Variants in SLC35F4 observed in about 807,000 individuals in gnomAD.
The protein encoded by SLC35F4 is chromosome 14 open reading frame 36.
A neutral mutation model predicts 44.2 loss-of-function variants in SLC35F4; 24 were observed. The observed-to-expected ratio is 0.54, with a 90% CI of 0.39 to 0.76. The LOEUF is 0.76. SLC35F4 is among the 30% of genes least tolerant of loss of function. SLC35F4 has a pLI of 0.00. For synonymous variants in SLC35F4, 238 were observed against 223.6 expected (o/e 1.06, Z -0.57); for missense variants, 562 against 586.1 (o/e 0.96, Z 0.42).
intron 1 of SLC35F4, among the ~76,000 whole-genome samples, chr14:57,977,513 AAT>A (rs1247346007): frequency 1.6e-4 from 25 of 152,318 alleles, no homozygotes; most frequent in African/African-American, 5.3e-4. Flanking sequence ...GATTGACTAC[AAT>A]CCATCAAATC....
chr14:57,936,484 C>G (rs1889799146), intron 1 of SLC35F4, among the ~76,000 whole-genome samples: 2 of 152,200 alleles, frequency 1.3e-5, no homozygotes, highest in African/African-American at 4.8e-5. Flanking sequence ...ACCAGTGGTT[C>G]TCAACCAGAT....
At chr14:57,585,271 C>T (rs567721987) in intron 3 of SLC35F4, among the ~76,000 whole-genome samples, 1 of 152,172 alleles carries the variant, frequency 6.6e-6, no homozygotes, top group South Asian at 2.1e-4. Flanking sequence ...GCAGAAAAGG[C>T]CTTCGACAAA....
intron 1 of SLC35F4, among the ~76,000 whole-genome samples, chr14:57,617,006 G>C (rs193106896): frequency 6.6e-6 from 1 of 152,036 alleles, no homozygotes; most frequent in African/African-American, 2.4e-5. Flanking sequence ...TGCAAAAACA[G>C]CGTGAATGTT....
At chr14:57,608,608 C>T (rs922811296) in intron 1 of SLC35F4, among the ~76,000 whole-genome samples, 1 of 152,040 alleles carries the variant, frequency 6.6e-6, no homozygotes, top group Non-Finnish European at 1.5e-5. Context: ...TTGTTTCAGC[C>T]ACCATGTTTG....
chr14:57,782,297 T>G (rs775516989), intron 1 of SLC35F4, among the ~76,000 whole-genome samples: 14 of 83,562 alleles, frequency 1.7e-4, no homozygotes, highest in Non-Finnish European at 2.8e-4. Flanking sequence ...ATACATGGAT[T>G]TTTTTTCAAT....
chr14:57,892,623 T>C (rs771447040), intron 1 of SLC35F4, among the ~76,000 whole-genome samples: 2 of 152,156 alleles, frequency 1.3e-5, no homozygotes, highest in Non-Finnish European at 2.9e-5. Flanking sequence ...TACCAATCAA[T>C]CTCTCAAGTG....
In SLC35F4 at chr14:57,872,667, A is replaced by T. The variant is rs145583349; in HGVS notation, n.282+109246T>A. On this transcript the variant is annotated intron_variant and non_coding_transcript_variant, in intron 1 of 1. Coordinates refer to the SLC35F4 transcript ENST00000556568. ...AGGGGACAGATGTAACACTGGGCAA[A>T]CCTGTGACAATGGGAAACAGGAGCT... is the stretch of plus-strand genomic sequence containing the variant. 7.2e-5 allele frequency among the ~76,000 whole-genome samples: 11 copies of T among 152,264 alleles called. No homozygotes were observed. The South Asian group carries it at 2.3e-3, about 32-fold the overall frequency.
At chr14:57,865,471 C>A (rs568883235) in intron 1 of SLC35F4, among the ~76,000 whole-genome samples, 43 of 152,318 alleles carry the variant, frequency 2.8e-4, no homozygotes, top group Non-Finnish European at 4.9e-4. Flanking sequence ...CGCACCTCCC[C>A]CCAAGGCTAC....
At chr14:57,917,806 C>T (rs1889359957) in intron 1 of SLC35F4, among the ~76,000 whole-genome samples, 1 of 152,098 alleles carries the variant, frequency 6.6e-6, no homozygotes, top group Non-Finnish European at 1.5e-5. Flanking sequence ...AGCATAGCAC[C>T]AGATAGTTTT....
At chr14:57,873,738 A>AACAC (rs60973207) in intron 1 of SLC35F4, among the ~76,000 whole-genome samples, 2,010 of 150,906 alleles carry the variant, frequency 0.013, 38 homozygotes, top group African/African-American at 0.046. Context: ...AGTGAATACA[A>AACAC]ACACACACAC....
intron 1 of SLC35F4, among the ~76,000 whole-genome samples, chr14:57,629,286 A>T (rs115819277): frequency 1.7e-4 from 26 of 151,918 alleles, no homozygotes; most frequent in African/African-American, 6.3e-4. Context: ...ACAATGTTTG[A>T]CCTCCACTAA....
intron 1 of SLC35F4, among the ~76,000 whole-genome samples, chr14:57,979,147 G>C (rs1881300491): frequency 6.6e-6 from 1 of 152,200 alleles, no homozygotes; most frequent in Non-Finnish European, 1.5e-5. Context: ...TAACAATGAA[G>C]GCTGGCTGAG....
intron 1 of SLC35F4, among the ~76,000 whole-genome samples, chr14:57,825,625 C>A (rs1472975610): frequency 1.3e-5 from 2 of 152,164 alleles, no homozygotes; most frequent in African/African-American, 4.8e-5. Flanking sequence ...ACCCCATCAT[C>A]TCAGCCCAAA....
chr14:57,660,810 C>T (rs2074114841), intron 1 of SLC35F4, among the ~76,000 whole-genome samples: 1 of 152,130 alleles, frequency 6.6e-6, no homozygotes, highest in Non-Finnish European at 1.5e-5. Context: ...CTAGTCAAGC[C>T]TTCAAACATT....
At chr14:57,636,071 A>G (rs1030881732) in intron 1 of SLC35F4, among the ~76,000 whole-genome samples, 1 of 152,148 alleles carries the variant, frequency 6.6e-6, no homozygotes, top group Admixed American at 6.6e-5. Flanking sequence ...AAAATTATCC[A>G]GAGCTGCCAC....
intron 1 of SLC35F4, among the ~76,000 whole-genome samples, chr14:57,805,075 C>T (rs1881143253): frequency 6.6e-6 from 1 of 152,034 alleles, no homozygotes; most frequent in African/African-American, 2.4e-5. Context: ...AATGAGATAC[C>T]ATCTCACACC....
At chr14:57,702,103 T>C (rs1321638607) in intron 1 of SLC35F4, among the ~76,000 whole-genome samples, 1 of 152,166 alleles carries the variant, frequency 6.6e-6, no homozygotes, top group East Asian at 1.9e-4. Flanking sequence ...GAAAACAAAC[T>C]TCTGCAAAGG....
intron 1 of SLC35F4, among the ~76,000 whole-genome samples, chr14:57,785,183 A>C (rs754424371): frequency 2.0e-5 from 3 of 152,156 alleles, no homozygotes; most frequent in Admixed American, 6.5e-5. Flanking sequence ...TTTGATGATT[A>C]AAAATTAAGC....
At position 57,805,789 on chromosome 14, in the gene SLC35F4, A is replaced by C. The variant is rs541491494; in HGVS notation, c.103+59934T>G. The stretch of plus-strand genomic sequence containing the variant: ...TACCCCTGAACTTGAAAGTTGAAGA[A>C]AACAAAAGTTTGTAAAAATTTGCAA... On this transcript the variant is annotated intron_variant, in intron 1 of 7. Coordinates refer to ENST00000556826, the MANE Select transcript of SLC35F4 (RefSeq NM_001306087.2). 1.4e-4 allele frequency among the ~76,000 whole-genome samples: 22 copies of C among 152,310 alleles called. No homozygotes were observed. The South Asian group carries it at 4.1e-3, about 29-fold the overall frequency.
Sources: gnomAD v4.1 joint callset for allele counts (sites outside exome capture counted in the v4.1 genomes callset) on GRCh38, gnomAD v4.1.1 for gene constraint, MANE v1.5 for transcripts, NCBI Gene and HGNC (gene_info 2026-07-23, HGNC 2026-07-21) for gene names.